The following GALM variants were observed in gnomAD, a reference collection of about 807,000 sequenced individuals.
GALM encodes aldose 1-epimerase.
Under a neutral mutation model 37.4 loss-of-function variants are expected in GALM, and 43 were observed. That is an observed-to-expected ratio of 1.15 (90% CI 0.90 to 1.48). GALM has a LOEUF of 1.48. Among genes scored for constraint, GALM ranks in the 40% most tolerant of loss-of-function variants. GALM has a pLI of 0.00. For synonymous variants in GALM, 199 were observed against 170.6 expected, an observed-to-expected ratio of 1.17 and a Z score of -1.30; for missense variants, 456 against 419.1, an observed-to-expected ratio of 1.09 and a Z score of -0.77.
chr2:38,693,921 T>C (rs941884493), intron 4 of GALM, among the ~76,000 whole-genome samples: 17 of 152,194 alleles, frequency 1.1e-4, no homozygotes, highest in African/African-American at 4.1e-4. Context: ...GCACAGTGGC[T>C]CACACCTTTA....
chr2:38,694,189 A>AT (rs1187528580), intron 4 of GALM, among the ~76,000 whole-genome samples: 1 of 152,086 alleles, frequency 6.6e-6, no homozygotes, highest in Non-Finnish European at 1.5e-5. Context: ...TCAAAAAAAA[A>AT]GAAGAAGATT....
intron 1 of GALM, chr2:38,669,228 GTAGT>G (rs1226397504): frequency 6.6e-6 from 1 of 152,230 alleles, no homozygotes; most frequent in Non-Finnish European, 1.5e-5. Context: ...CATGGGCCTG[GTAGT>G]TAAAGATCGA....
intron 3 of GALM, among the ~76,000 whole-genome samples, chr2:38,684,232 G>T (rs1340381469): frequency 6.6e-6 from 1 of 152,134 alleles, no homozygotes; most frequent in Non-Finnish European, 1.5e-5. Flanking sequence ...TAAGTTTGAG[G>T]GTTGGAGACC....
At chr2:38,696,711 A>G (rs1174655109) in intron 4 of GALM, among the ~76,000 whole-genome samples, 1 of 147,630 alleles carries the variant, frequency 6.8e-6, no homozygotes, top group Non-Finnish European at 1.5e-5. Flanking sequence ...GCCTCAAGCC[A>G]TCCTTCCACT....
chr2:38,720,063 T>C (rs1182153688), intron 4 of GALM, among the ~76,000 whole-genome samples: 2 of 151,736 alleles, frequency 1.3e-5, no homozygotes, highest in Non-Finnish European at 2.9e-5. Flanking sequence ...ATAATAATAA[T>C]TAGCCAGGCG....
chr2:38,673,679 G>C (rs929837236), intron 1 of GALM, among the ~76,000 whole-genome samples: 1 of 151,880 alleles, frequency 6.6e-6, no homozygotes, highest in South Asian at 2.1e-4. Flanking sequence ...GCATGGTGGC[G>C]GGTGCCTGTA....
intron 2 of GALM, chr2:38,680,009 T>TTTTA (rs1665356215): frequency 2.2e-6 from 1 of 454,146 alleles, no homozygotes; most frequent in Non-Finnish European, 4.4e-6. Flanking sequence ...GCAAAATGCC[T>TTTTA]TTTATTTATT....
At chr2:38,667,324 G>A (rs1305942624) in intron 1 of GALM, among the ~76,000 whole-genome samples, 6 of 152,194 alleles carry the variant, frequency 3.9e-5, no homozygotes, top group Middle Eastern at 6.8e-3. Flanking sequence ...TGGTTCTTCC[G>A]ATACGTAAGA....
At chr2:38,718,863 T>A (rs1666320973) in intron 4 of GALM, among the ~76,000 whole-genome samples, 1 of 151,802 alleles carries the variant, frequency 6.6e-6, no homozygotes. Flanking sequence ...AAAAATGACT[T>A]CAGATCATGA....
At chr2:38,672,867 G>A (rs1665146753) in intron 1 of GALM, among the ~76,000 whole-genome samples, 1 of 151,876 alleles carries the variant, frequency 6.6e-6, no homozygotes, top group Non-Finnish European at 1.5e-5. Flanking sequence ...AAATTTAGCT[G>A]GGCTTGGTGG....
At chr2:38,706,219 G>A (rs1666034186) in intron 4 of GALM, among the ~76,000 whole-genome samples, 1 of 150,436 alleles carries the variant, frequency 6.6e-6, no homozygotes, top group African/African-American at 2.4e-5. Flanking sequence ...TGGCCAGGCT[G>A]GTCTTGAACT....
chr2:38,694,891 C>T (rs1183013596), intron 4 of GALM, among the ~76,000 whole-genome samples: 52 of 116,198 alleles, frequency 4.5e-4, no homozygotes, highest in Admixed American at 1.6e-3. Context: ...AGCAAGACTC[C>T]GTCTCAAAAA....
At chr2:38,732,192 G>A (rs909369580) in intron 6 of GALM, among the ~76,000 whole-genome samples, 4 of 152,094 alleles carry the variant, frequency 2.6e-5, no homozygotes, top group African/African-American at 4.8e-5. Context: ...AAGTAGCTAG[G>A]ATTACAGGCG....
chr2:38,720,183 G>A (rs774463045), intron 4 of GALM, among the ~76,000 whole-genome samples: 17 of 152,140 alleles, frequency 1.1e-4, no homozygotes, highest in African/African-American at 1.4e-4. Flanking sequence ...ACCGCACTCC[G>A]CCTAGGTGAC....
intron 4 of GALM, among the ~76,000 whole-genome samples, chr2:38,720,008 C>T (rs1311447507): frequency 6.6e-6 from 1 of 151,602 alleles, no homozygotes; most frequent in South Asian, 2.1e-4. Flanking sequence ...TTGAGACCAG[C>T]CTGGGCAAGA....
chr2:38,702,699 G>C (rs1665943546), intron 4 of GALM, among the ~76,000 whole-genome samples: 1 of 151,924 alleles, frequency 6.6e-6, no homozygotes, highest in Non-Finnish European at 1.5e-5. Context: ...TTTAGTCACA[G>C]ATCCAAAGTA....
chr2:38,719,587 C>A (rs1169210444), intron 4 of GALM, among the ~76,000 whole-genome samples: 2 of 151,214 alleles, frequency 1.3e-5, no homozygotes, highest in African/African-American at 4.9e-5. Context: ...CCAACCTGGC[C>A]AACATGGTGA....
intron 4 of GALM, among the ~76,000 whole-genome samples, chr2:38,702,407 A>T (rs1383847447): frequency 1.3e-5 from 2 of 151,982 alleles, no homozygotes; most frequent in Non-Finnish European, 2.9e-5. Context: ...AACAAAAATG[A>T]TCTCCGAGCA....
intron 1 of GALM, among the ~76,000 whole-genome samples, chr2:38,672,711 G>A (rs574480510): frequency 1.3e-5 from 2 of 152,226 alleles, no homozygotes; most frequent in East Asian, 3.9e-4. Flanking sequence ...GAAACGTTCT[G>A]AGTATGAAAT....
Sources: gnomAD v4.1 joint callset for allele counts (sites outside exome capture counted in the v4.1 genomes callset) on GRCh38, gnomAD v4.1.1 for gene constraint, MANE v1.5 for transcripts, NCBI Gene and HGNC (gene_info 2026-07-23, HGNC 2026-07-21) for gene names.